Variants in HHAT observed in about 807,000 individuals in gnomAD.
HHAT encodes hedgehog acyltransferase, also known as protein-cysteine N-palmitoyltransferase HHAT.
Under a neutral mutation model 70.8 loss-of-function variants are expected in HHAT, and 47 were observed. That is an observed-to-expected ratio of 0.66 (90% CI 0.53 to 0.85). The LOEUF is 0.85. Ranked by LOEUF, HHAT falls within the 40% of genes least tolerant of loss-of-function variation. The pLI is 0.00. For missense variants in HHAT, 609 were observed against 604.8 expected, an observed-to-expected ratio of 1.01 and a Z score of -0.07; for synonymous variants, 228 against 247.6, an observed-to-expected ratio of 0.92 and a Z score of 0.74.
At chr1:210,585,865 G>T (rs1660323632) in intron 9 of HHAT, among the ~76,000 whole-genome samples, 1 of 152,148 alleles carries the variant, frequency 6.6e-6, no homozygotes, top group East Asian at 1.9e-4. Flanking sequence ...CCTCCTGAAG[G>T]CAGCCAGGGT....
intron 9 of HHAT, among the ~76,000 whole-genome samples, chr1:210,558,801 A>T (rs570132728): frequency 1.2e-4 from 19 of 152,194 alleles, no homozygotes; most frequent in African/African-American, 4.6e-4. Context: ...CCAGGCATGC[A>T]TGGGTTGGGG....
intron 9 of HHAT, among the ~76,000 whole-genome samples, chr1:210,575,137 C>T (rs928389258): frequency 6.6e-6 from 1 of 152,162 alleles, no homozygotes; most frequent in Non-Finnish European, 1.5e-5. Context: ...GCTCTTTCCC[C>T]TACCTCTTCT....
At chr1:210,357,693 G>A (rs933709464) in intron 2 of HHAT, among the ~76,000 whole-genome samples, 14 of 152,248 alleles carry the variant, frequency 9.2e-5, no homozygotes, top group East Asian at 1.9e-4. Context: ...GGTGGCGGGC[G>A]CCTGTAGTCC....
chr1:210,611,580 T>C (rs536950299), intron 10 of HHAT, among the ~76,000 whole-genome samples: 19 of 152,260 alleles, frequency 1.2e-4, no homozygotes, highest in African/African-American at 4.6e-4. Flanking sequence ...CCTTGTCTAG[T>C]GCTGGTTTTC....
chr1:210,623,772 T>G, intron 11 of HHAT, 102 bp downstream of exon 11: 1 of 1,248,860 alleles, frequency 8.0e-7, no homozygotes, highest in Non-Finnish European at 1.1e-6. Context: ...AGTCATTCAT[T>G]GTTATGTTCA....
chr1:210,539,700 A>G (rs1010868343), intron 9 of HHAT, among the ~76,000 whole-genome samples: 4 of 152,192 alleles, frequency 2.6e-5, no homozygotes, highest in African/African-American at 9.7e-5. Context: ...GCCAGAAGCT[A>G]CGAGGAGGCA....
chr1:210,341,427 T>A (rs906085628), intron 1 of HHAT, among the ~76,000 whole-genome samples: 4 of 152,330 alleles, frequency 2.6e-5, no homozygotes, highest in African/African-American at 9.6e-5. Context: ...TATGTTTATG[T>A]ATGTTTCAGG....
At chr1:210,398,198 G>A (rs903186225) in intron 4 of HHAT, among the ~76,000 whole-genome samples, 2 of 152,182 alleles carry the variant, frequency 1.3e-5, no homozygotes, top group African/African-American at 2.4e-5. Flanking sequence ...ATTTTAGTGG[G>A]ATTCTAATAT....
intron 10 of HHAT, among the ~76,000 whole-genome samples, chr1:210,607,922 C>T (rs1665834951): frequency 6.6e-6 from 1 of 152,108 alleles, no homozygotes; most frequent in Admixed American, 6.5e-5. Flanking sequence ...TCTCCCATAC[C>T]TTTGCTGCTT....
chr1:210,344,145 C>T (rs1376581571), intron 1 of HHAT, among the ~76,000 whole-genome samples: 1 of 152,122 alleles, frequency 6.6e-6, no homozygotes, highest in Non-Finnish European at 1.5e-5. Flanking sequence ...CTATTTGGTT[C>T]AATTCCTAAA....
intron 8 of HHAT, among the ~76,000 whole-genome samples, chr1:210,472,192 TCCTC>T (rs2094216754): frequency 6.6e-6 from 1 of 152,134 alleles, no homozygotes; most frequent in Admixed American, 6.5e-5. Context: ...AGAAAAAAAA[TCCTC>T]CCACACGGCT....
intron 8 of HHAT, among the ~76,000 whole-genome samples, chr1:210,471,972 A>C (rs1430774504): frequency 2.0e-5 from 3 of 152,188 alleles, no homozygotes; most frequent in Admixed American, 1.3e-4. Flanking sequence ...AGTTACTGTA[A>C]TTACAGATAA....
At chr1:210,599,123 T>C (rs926570064) in intron 10 of HHAT, among the ~76,000 whole-genome samples, 5 of 152,222 alleles carry the variant, frequency 3.3e-5, no homozygotes, top group South Asian at 2.1e-4. Context: ...TTAATTGCAC[T>C]GTCCAGTACA....
intron 2 of HHAT, among the ~76,000 whole-genome samples, chr1:210,353,043 C>G (rs2087204584): frequency 1.3e-5 from 2 of 151,552 alleles, no homozygotes. Context: ...TCAAGCAATT[C>G]TTCTGTCTTA....
At chr1:210,543,616 G>T (rs2095452913) in intron 9 of HHAT, among the ~76,000 whole-genome samples, 1 of 152,022 alleles carries the variant, frequency 6.6e-6, no homozygotes, top group Non-Finnish European at 1.5e-5. Flanking sequence ...CCCTTCAAAA[G>T]ACTTCACGTG....
intron 11 of HHAT, among the ~76,000 whole-genome samples, chr1:210,647,732 C>T (rs1190220630): frequency 6.6e-6 from 1 of 152,214 alleles, no homozygotes; most frequent in East Asian, 1.9e-4. Context: ...AAACAGATTT[C>T]TCTTCTTAAA....
Position 210,387,576 on chromosome 1 carries a change from A to G in HHAT, c.268A>G (p.Arg90Gly), listed in dbSNP as rs769691809. The change falls in exon 4 of 12, where the codon AGA becomes GGA. Residue 90 changes from arginine to glycine, a missense_variant. Physicochemically the swap from Arg to Gly is moderately radical, Grantham distance 125. Coordinates refer to ENST00000261458, the MANE Select transcript of HHAT (RefSeq NM_018194.6). Reference sequence around the variant, plus strand: ...GTCTCAAATGGCCACACTGCTGGCAAGAAAGGTATGATTATATGTGTTGTT... The same window carrying G: ...GTCTCAAATGGCCACACTGCTGGCAGGAAAGGTATGATTATATGTGTTGTT... ...VVSQMATLLARKHRPWILMLY... is the reference protein window; with the variant it reads ...VVSQMATLLAGKHRPWILMLY... 1 of 1,611,774 alleles carries G rather than the reference A, an allele frequency of 6.2e-7. No homozygotes were observed. Among genetic ancestry groups the G allele is most frequent in the South Asian group, 1.1e-5 (1 of 91,018 alleles).
chr1:210,418,430 C>A (rs2092791555), intron 7 of HHAT, 105 bp downstream of exon 7: 1 of 983,458 alleles, frequency 1.0e-6, no homozygotes, highest in African/African-American at 1.7e-5. Context: ...GTGCCTATAG[C>A]AAACCCTCTT....
chr1:210,365,393 T>G (rs374403406), intron 3 of HHAT, among the ~76,000 whole-genome samples: 15 of 142,234 alleles, frequency 1.1e-4, no homozygotes, highest in East Asian at 6.6e-4. Context: ...CTTGGCTCAC[T>G]GCAACCTCTG....
Sources: allele counts gnomAD v4.1 joint callset (sites outside exome capture counted in the v4.1 genomes callset), GRCh38; gene constraint gnomAD v4.1.1; transcripts MANE v1.5; gene names NCBI Gene and HGNC (gene_info 2026-07-23, HGNC 2026-07-21).